The following HERC2 variants were observed in gnomAD, a reference collection of about 807,000 sequenced individuals.
The protein encoded by HERC2 is HECT and RLD domain containing E3 ubiquitin protein ligase 2.
HERC2 carries 102 observed loss-of-function variants against 537.7 expected under a neutral mutation model. The ratio of observed to expected loss-of-function variants is 0.19; its 90% confidence interval spans 0.16 to 0.22. The LOEUF is 0.22. Among genes scored for constraint, HERC2 ranks in the 10% least tolerant of loss-of-function variants. The pLI is 1.00. For synonymous variants in HERC2, 2,224 were observed against 2,466.2 expected, an observed-to-expected ratio of 0.90 and a Z score of 2.91; for missense variants, 4,236 against 6,198.2, an observed-to-expected ratio of 0.68 and a Z score of 10.63.
At chr15:28,315,148 C>G (rs2077047840) in intron 2 of HERC2, among the ~76,000 whole-genome samples, 1 of 152,186 alleles carries the variant, frequency 6.6e-6, no homozygotes, top group Non-Finnish European at 1.5e-5. Flanking sequence ...AGAAGGTCTG[C>G]AAGAAGAAAC....
chr15:28,123,166 T>C (rs1228283480), intron 85 of HERC2, among the ~76,000 whole-genome samples: 2 of 152,126 alleles, frequency 1.3e-5, no homozygotes, highest in African/African-American at 4.8e-5. Context: ...GAAAGTAAAA[T>C]GAATGTACCA....
intron 37 of HERC2, among the ~76,000 whole-genome samples, chr15:28,219,177 G>A (rs933715063): frequency 3.3e-5 from 5 of 152,220 alleles, no homozygotes; most frequent in Admixed American, 6.5e-5. Context: ...AATGTCAAGC[G>A]CTGGTTTCTG....
At chr15:28,121,733 G>A (rs1446950285) in intron 85 of HERC2, among the ~76,000 whole-genome samples, 1 of 152,206 alleles carries the variant, frequency 6.6e-6, no homozygotes, top group African/African-American at 2.4e-5. Context: ...CACAGAACAG[G>A]GAGGGCTGGG....
chr15:28,175,596 C>G lies in HERC2; in HGVS notation c.9747G>C (p.Gln3249His). 1 of 1,614,198 alleles carries G rather than the reference C, an allele frequency of 6.2e-7. No homozygotes were observed. The highest frequency in any genetic ancestry group is 8.5e-7 in the Non-Finnish European group (1 of 1,180,028). ...HGSDVHVRKP[Q>H]VVEGLRGKKI... ...TCTTCCCTCTCAGCCCTTCCACCAC[C>G]TGTGGTTTCCGCACGTGCACGTCAG... Residue 3249 changes from glutamine to histidine, a missense_variant, in exon 64 of 93, where the codon CAG becomes CAC. Physicochemically the swap from Gln to His is conservative, Grantham distance 24. This residue lies in a region of HERC2 where 93 missense variants were observed against 265.1 expected (regional missense o/e 0.35). Transcript: ENST00000261609.
At chr15:28,275,085 G>A in intron 5 of HERC2, 80 bp from the exon 6 acceptor site, 2 of 799,270 alleles carry the variant, frequency 2.5e-6, no homozygotes, top group Admixed American at 4.3e-5. Flanking sequence ...ACTATGAAAG[G>A]GTGTGTACCA....
At chr15:28,266,112 A>C in intron 12 of HERC2, 138 bp from the exon 13 acceptor site, 1 of 900,284 alleles carries the variant, frequency 1.1e-6, no homozygotes, top group Non-Finnish European at 1.7e-6. Flanking sequence ...ACCTTGTGAA[A>C]GAAGGAAGAG....
At chr15:28,235,465 C>A (rs150708287) in intron 26 of HERC2, among the ~76,000 whole-genome samples, 2,039 of 152,242 alleles carry the variant, frequency 0.013, 13 homozygotes, top group Non-Finnish European at 0.021. Flanking sequence ...CCACAGGCAG[C>A]CCAGCACCCA....
chr15:28,204,932 G>GA (rs1186646282), intron 45 of HERC2, among the ~76,000 whole-genome samples: 3 of 151,980 alleles, frequency 2.0e-5, no homozygotes, highest in African/African-American at 7.3e-5. Flanking sequence ...AAGGCAGGGG[G>GA]AAAAAACAAT....
intron 70 of HERC2, among the ~76,000 whole-genome samples, chr15:28,151,768 T>G (rs1203562941): frequency 6.7e-6 from 1 of 148,384 alleles, no homozygotes; most frequent in Admixed American, 6.7e-5. Flanking sequence ...CATAATAACA[T>G]TAAAAAAAAA....
chr15:28,179,255 G>A (rs1476738430), intron 57 of HERC2, 32 bp from the exon 58 acceptor site: 3 of 1,455,722 alleles, frequency 2.1e-6, no homozygotes, highest in Non-Finnish European at 2.8e-6. Context: ...AAAAAAAAAA[G>A]AAAAGAAAAT....
At chr15:28,141,187 G>A (rs745390542) in intron 78 of HERC2, among the ~76,000 whole-genome samples, 18 of 151,904 alleles carry the variant, frequency 1.2e-4, no homozygotes, top group Non-Finnish European at 2.4e-4. Context: ...GCAGTGAGCC[G>A]AGACCACGCC....
intron 78 of HERC2, among the ~76,000 whole-genome samples, chr15:28,136,809 C>A (rs1890691100): frequency 6.6e-6 from 1 of 152,152 alleles, no homozygotes; most frequent in Non-Finnish European, 1.5e-5. Context: ...TGTTTACCAA[C>A]CCCCACCCTA....
chr15:28,243,878 A>C (rs1028518158), intron 23 of HERC2, among the ~76,000 whole-genome samples: 1 of 152,190 alleles, frequency 6.6e-6, no homozygotes, highest in Admixed American at 6.5e-5. Context: ...AGAATGATTA[A>C]AGAAACAGAT....
At chr15:28,256,570 G>A (rs1225202091) in intron 17 of HERC2, among the ~76,000 whole-genome samples, 3 of 152,088 alleles carry the variant, frequency 2.0e-5, no homozygotes, top group South Asian at 2.1e-4. Context: ...TAAACAACTA[G>A]CAACAGCAAC....
At chr15:28,275,389 G>A (rs1034175727) in intron 5 of HERC2, among the ~76,000 whole-genome samples, 14 of 152,210 alleles carry the variant, frequency 9.2e-5, no homozygotes, top group East Asian at 1.9e-4. Context: ...CAGCAGAGCC[G>A]CAGAGGGTAG....
chr15:28,260,450 T>G (rs1363173512), intron 16 of HERC2, among the ~76,000 whole-genome samples: 3 of 152,056 alleles, frequency 2.0e-5, no homozygotes, highest in African/African-American at 7.2e-5. Flanking sequence ...TCCCCTACAG[T>G]CAGGATCAAG....
At chr15:28,266,884 C>G (rs2075583865) in intron 12 of HERC2, among the ~76,000 whole-genome samples, 1 of 152,124 alleles carries the variant, frequency 6.6e-6, no homozygotes, top group South Asian at 2.1e-4. Context: ...AACTCTACAT[C>G]TGAAACTCAG....
chr15:28,256,855 A>G (rs1383846393), intron 17 of HERC2, among the ~76,000 whole-genome samples: 3 of 152,192 alleles, frequency 2.0e-5, no homozygotes, highest in Non-Finnish European at 1.5e-5. Flanking sequence ...AGGCCTCCCA[A>G]AAGTGCTGGG....
intron 69 of HERC2, among the ~76,000 whole-genome samples, chr15:28,157,048 G>C (rs1288919992): frequency 1.3e-5 from 2 of 152,154 alleles, no homozygotes; most frequent in East Asian, 3.8e-4. Context: ...GCTAGATTAC[G>C]TTTATTGATT....
Sources: allele counts gnomAD v4.1 joint callset (sites outside exome capture counted in the v4.1 genomes callset), GRCh38; gene constraint gnomAD v4.1.1; regional missense constraint gnomAD v4.1.1; transcripts MANE v1.5; gene names NCBI Gene and HGNC (gene_info 2026-07-23, HGNC 2026-07-21).